ACACA: variants seen among roughly 807,000 people sequenced by gnomAD.
ACACA encodes acetyl-CoA carboxylase 1.
In ACACA, 103 loss-of-function variants were observed where a neutral mutation model predicts 296.1. The observed-to-expected ratio is 0.35, with a 90% CI of 0.30 to 0.41. ACACA has a LOEUF of 0.41. Among genes scored for constraint, ACACA ranks in the 10% least tolerant of loss-of-function variants. The pLI is 1.00. For synonymous variants in ACACA, 953 were observed against 1,038.6 expected (o/e 0.92, Z 1.58); for missense variants, 1,554 against 2,989.7 (o/e 0.52, Z 11.20).
chr17:37,256,524 G>C (rs2081235751), intron 14 of ACACA, among the ~76,000 whole-genome samples: 1 of 152,182 alleles, frequency 6.6e-6, no homozygotes, highest in Admixed American at 6.5e-5. Flanking sequence ...TTAGAGCCCA[G>C]GAGTTTAAGA....
At chr17:37,163,650 A>G (rs1221611081) in intron 41 of ACACA, among the ~76,000 whole-genome samples, 1 of 152,198 alleles carries the variant, frequency 6.6e-6, no homozygotes, top group African/African-American at 2.4e-5. Flanking sequence ...TGTTTCAGGT[A>G]TGTTCCATTT....
chr17:37,266,913 A>G (rs1263115712), intron 10 of ACACA, among the ~76,000 whole-genome samples: 1 of 152,190 alleles, frequency 6.6e-6, no homozygotes, highest in Non-Finnish European at 1.5e-5. Context: ...TCCAGACTCC[A>G]GTAACAATTA....
At chr17:37,203,418 A>AAGC (rs201773652) in intron 33 of ACACA, among the ~76,000 whole-genome samples, 2 of 152,118 alleles carry the variant, frequency 1.3e-5, no homozygotes, top group East Asian at 1.9e-4. Context: ...TTATTTCATG[A>AAGC]AGCAGCAGCA....
At chr17:37,112,689 G>A (rs2074042467) in intron 51 of ACACA, among the ~76,000 whole-genome samples, 1 of 152,148 alleles carries the variant, frequency 6.6e-6, no homozygotes, top group African/African-American at 2.4e-5. Flanking sequence ...GAATCTGGGG[G>A]GACAAGAGAG....
At chr17:37,246,702 G>A (rs2080722910) in intron 19 of ACACA, 124 bp downstream of exon 19, 2 of 1,313,112 alleles carry the variant, frequency 1.5e-6, no homozygotes, top group Admixed American at 1.7e-5. Context: ...CAAAGTGGTA[G>A]GATTACAGGC....
intron 7 of ACACA, 142 bp downstream of exon 7, chr17:37,276,891 G>A (rs542205966): frequency 9.2e-6 from 7 of 758,654 alleles, no homozygotes; most frequent in African/African-American, 8.6e-5. Flanking sequence ...GGGTTACTCT[G>A]AGAGTTAGTA....
intron 41 of ACACA, among the ~76,000 whole-genome samples, chr17:37,171,376 A>T (rs945370549): frequency 1.3e-5 from 2 of 152,208 alleles, no homozygotes; most frequent in Non-Finnish European, 2.9e-5. Context: ...TCTCAGATAT[A>T]TAACAAAATG....
intron 47 of ACACA, among the ~76,000 whole-genome samples, chr17:37,126,095 C>T (rs2074771683): frequency 6.6e-6 from 1 of 152,184 alleles, no homozygotes; most frequent in Non-Finnish European, 1.5e-5. Flanking sequence ...AATAACTTGA[C>T]TTTCTTCAAG....
intron 16 of ACACA, among the ~76,000 whole-genome samples, chr17:37,251,740 A>T (rs9906044): frequency 0.49 from 75,192 of 152,070 alleles, 21,047 homozygotes; most frequent in East Asian, 0.75. Context: ...GGACAGAATA[A>T]CTACTGCAGA....
At chr17:37,252,865 T>G (rs777784769) in intron 15 of ACACA, 21 bp downstream of exon 15, 4 of 1,614,014 alleles carry the variant, frequency 2.5e-6, no homozygotes, top group Non-Finnish European at 3.4e-6. Flanking sequence ...TCCCAGCATC[T>G]GTTTGTGGAG....
intron 8 of ACACA, among the ~76,000 whole-genome samples, chr17:37,275,334 A>C (rs1477955635): frequency 6.6e-6 from 1 of 151,842 alleles, no homozygotes; most frequent in African/African-American, 2.4e-5. Context: ...TGTCTCTACA[A>C]AAAAATACAA....
Position 37,406,463 on chromosome 17 carries a change from A to C in ACACA, c.-164T>G. ...CCACGAGCAGCCCTTCGGGGCCCGG[A>C]CTGGAGAGGCGCCACGGCTCGCCGT... On this transcript the variant is annotated 5_prime_UTR_variant, in exon 1 of 56. Transcript: ENST00000616317. 1 of 718,434 alleles carries C rather than the reference A, an allele frequency of 1.4e-6. No individual in the cohort carries two copies. Among genetic ancestry groups the C allele is most frequent in the South Asian group, 1.5e-5 (1 of 65,552 alleles). The allele number at this position is 718,434 out of a possible 1,614,324, so 44.5% of individuals were successfully genotyped here.
At chr17:37,328,805 G>A (rs2047731170) in intron 3 of ACACA, 1 of 398,154 alleles carries the variant, frequency 2.5e-6, no homozygotes. Context: ...CCTATAATCT[G>A]AATGCTGGCT....
chr17:37,381,701 C>T (rs1230583063), intron 1 of ACACA, among the ~76,000 whole-genome samples: 1 of 147,964 alleles, frequency 6.8e-6, no homozygotes, highest in East Asian at 2.0e-4. Context: ...GATCTCAGCT[C>T]ACTGCAAGCT....
intron 18 of ACACA, 87 bp downstream of exon 18, chr17:37,247,924 A>G: frequency 5.1e-6 from 8 of 1,557,212 alleles, no homozygotes; most frequent in Non-Finnish European, 7.0e-6. Flanking sequence ...GTACCAAGAA[A>G]AGCCTGGGAA....
intron 52 of ACACA, among the ~76,000 whole-genome samples, chr17:37,108,390 ATT>A (rs371331191): frequency 7.5e-5 from 11 of 146,016 alleles, no homozygotes; most frequent in Non-Finnish European, 1.1e-4. Context: ...AGCAATTATG[ATT>A]TTTTTTTTTT....
At chr17:37,188,568 G>A in intron 38 of ACACA, 88 bp from the exon 39 acceptor site, 2 of 1,413,360 alleles carry the variant, frequency 1.4e-6, no homozygotes, top group Admixed American at 1.9e-5. Context: ...GAAAGAAGGG[G>A]TAAAAAAAAA....
intron 46 of ACACA, 84 bp from the exon 47 acceptor site, chr17:37,129,569 A>G (rs17848779): frequency 0.18 from 275,412 of 1,573,438 alleles, 27,594 homozygotes; most frequent in Admixed American, 0.42. Context: ...ATAGACAAAG[A>G]CAGCAGGGCC....
At chr17:37,328,328 A>G (rs1463374347) in intron 3 of ACACA, among the ~76,000 whole-genome samples, 1 of 152,226 alleles carries the variant, frequency 6.6e-6, no homozygotes, top group Non-Finnish European at 1.5e-5. Context: ...GCACTTTGGC[A>G]GGCCATGATA....
Sources: allele counts gnomAD v4.1 joint callset (sites outside exome capture counted in the v4.1 genomes callset), GRCh38; gene constraint gnomAD v4.1.1; transcripts MANE v1.5; gene names NCBI Gene and HGNC (gene_info 2026-07-23, HGNC 2026-07-21).